The following SYNGR1 variants were observed in gnomAD, a reference collection of about 807,000 sequenced individuals.
The protein encoded by SYNGR1 is synaptogyrin-1.
SYNGR1 carries 14 observed loss-of-function variants against 26.1 expected under a neutral mutation model. That is an observed-to-expected ratio of 0.54 (90% confidence interval 0.35 to 0.84). The LOEUF is 0.84. Ranked by LOEUF, SYNGR1 falls within the 40% of genes least tolerant of loss-of-function variation. The pLI is 0.01. For synonymous variants in SYNGR1, 141 were observed against 150.1 expected (o/e 0.94, Z 0.44); for missense variants, 319 against 332.9 (o/e 0.96, Z 0.33).
intron 1 of SYNGR1, among the ~76,000 whole-genome samples, chr22:39,360,585 G>A (rs984332382): frequency 4.6e-5 from 7 of 152,146 alleles, no homozygotes; most frequent in East Asian, 3.9e-4. Flanking sequence ...CACCCCGCTC[G>A]CCGCAGAATG....
chr22:39,351,490 T>C (rs1157338123), intron 1 of SYNGR1, among the ~76,000 whole-genome samples: 1 of 152,242 alleles, frequency 6.6e-6, no homozygotes, highest in African/African-American at 2.4e-5. Flanking sequence ...TGGCTCTGAA[T>C]TCATTTATCT....
In SYNGR1 at chr22:39,365,988, C is replaced by CTTTTTTTTTT. The variant is rs777416803; in HGVS notation, c.100-8310_100-8301dup. On this transcript the variant is annotated intron_variant, in intron 1 of 3. Coordinates refer to ENST00000328933, the MANE Select transcript of SYNGR1 (RefSeq NM_004711.5). ...CGTGAGCCACCGCGCTCAGCCCCTT[C>CTTTTTTTTTT]TTTTTTTTTTTTTTTTTTTTTTTTT... Among the ~76,000 whole-genome samples, 328 of 68,378 alleles carry CTTTTTTTTTT rather than the reference C, an allele frequency of 4.8e-3. 59 individuals carry two copies. The highest frequency in any genetic ancestry group is 6.8e-3 in the Non-Finnish European group (250 of 36,752). 44.9% of individuals were successfully genotyped at this position (68,378 alleles called of 152,430 possible). A position where few individuals can be genotyped will look rare whatever the true frequency, so the allele number is the denominator to read the frequency against.
chr22:39,364,983 A>C (rs1038277331), intron 1 of SYNGR1, among the ~76,000 whole-genome samples: 3 of 152,160 alleles, frequency 2.0e-5, no homozygotes, highest in African/African-American at 7.2e-5. Flanking sequence ...GAGGCTTGGC[A>C]GGTTTACCTT....
intron 1 of SYNGR1, among the ~76,000 whole-genome samples, chr22:39,352,102 G>A (rs1923931089): frequency 6.6e-6 from 1 of 152,202 alleles, no homozygotes; most frequent in Admixed American, 6.5e-5. Context: ...TGGCAGACGA[G>A]CATTTGAGCC....
chr22:39,377,611 C>T lies in SYNGR1; in HGVS notation c.483+1414C>T, dbSNP rs1442025593. ...CTCTCCTGGCAGAGCCTGACCGCAG[C>T]CCTGGCCGTGCGGAGATTCAAGGAC... On this transcript the variant is annotated intron_variant, in intron 3 of 3. Coordinates refer to ENST00000328933, the MANE Select transcript of SYNGR1 (RefSeq NM_004711.5). 1.9e-6 allele frequency: 3 copies of T among 1,613,916 alleles called. No individual in the cohort carries two copies. In the Admixed American group the frequency reaches 5.0e-5, roughly 27 times the overall value.
intron 1 of SYNGR1, among the ~76,000 whole-genome samples, chr22:39,367,356 C>T (rs1486214995): frequency 1.3e-5 from 2 of 152,236 alleles, no homozygotes; most frequent in Non-Finnish European, 2.9e-5. Context: ...TAGGTTGTAG[C>T]TCAGCCTGTA....
At chr22:39,377,160 C>A in intron 3 of SYNGR1, 1 of 1,471,154 alleles carries the variant, frequency 6.8e-7, no homozygotes, top group Non-Finnish European at 9.0e-7. Context: ...CGCCAGCCGT[C>A]CCTGTTTCCC....
chr22:39,360,184 T>C (rs755338704), intron 1 of SYNGR1, among the ~76,000 whole-genome samples: 1 of 152,190 alleles, frequency 6.6e-6, no homozygotes, highest in South Asian at 2.1e-4. Context: ...CTCGTGAGCC[T>C]GTTCCTCTCA....
In SYNGR1 at chr22:39,374,354, G is replaced by A. The variant is rs1925167773; in HGVS notation, c.138G>A (p.Glu46=). Residue 46 remains glutamate (E), a synonymous_variant, in exon 2 of 4, where the codon GAG becomes GAA. Transcript: ENST00000328933. ...SIVVFGSIVN[E]GYLNSASEGE... ...TGGTGTTCGGCTCCATCGTGAACGA[G>A]GGCTACCTCAACAGCGCCTCCGAGG... The A allele has an allele frequency of 6.2e-7, 1 of 1,613,922 alleles. No homozygotes were observed. Among genetic ancestry groups the A allele is most frequent in the Admixed American group, 1.7e-5 (1 of 60,000 alleles).
chr22:39,377,103 T>C, intron 3 of SYNGR1: 1 of 1,544,872 alleles, frequency 6.5e-7, no homozygotes, highest in East Asian at 2.4e-5. Context: ...GGCGAGCACT[T>C]CTGGGCCCAG....
chr22:39,353,919 A>G (rs765264477), intron 1 of SYNGR1, among the ~76,000 whole-genome samples: 3 of 152,302 alleles, frequency 2.0e-5, no homozygotes, highest in Non-Finnish European at 4.4e-5. Flanking sequence ...GCTAGAGTGC[A>G]GTGGCGCGAT....
At chr22:39,368,340 C>G (rs1924865660) in intron 1 of SYNGR1, among the ~76,000 whole-genome samples, 1 of 152,232 alleles carries the variant, frequency 6.6e-6, no homozygotes, top group Non-Finnish European at 1.5e-5. Flanking sequence ...AGTGGCCACA[C>G]TGGGATTCAG....
In SYNGR1 at chr22:39,382,330, A is replaced by C; in HGVS notation, c.*416A>C. On this transcript the variant is annotated 3_prime_UTR_variant, in exon 4 of 4. Transcript: ENST00000328933. The stretch of plus-strand genomic sequence containing the variant: ...ATGGTGGGAAAGACAGATCCAGATA[A>C]TGCTGGGAAGTGTGGCTACACCGTG... 1.7e-5 allele frequency: 5 copies of C among 296,760 alleles called. No individual in the cohort carries two copies. Among genetic ancestry groups the C allele is most frequent in the Non-Finnish European group, 3.3e-5 (5 of 150,802 alleles). The allele number at this position is 296,760 out of a possible 1,614,324, so 18.4% of individuals were successfully genotyped here. A position where few individuals can be genotyped will look rare whatever the true frequency, so the allele number is the denominator to read the frequency against.
intron 1 of SYNGR1, among the ~76,000 whole-genome samples, chr22:39,363,176 G>A (rs550055007): frequency 7.9e-5 from 12 of 152,068 alleles, no homozygotes; most frequent in Non-Finnish European, 1.3e-4. Context: ...GGGCTTGGGA[G>A]GAGAGTGTTG....
rs1381815429 is a variant in SYNGR1, at chr22:39,382,263, C to T, written c.*349C>T. ...CAGAAATGGCCACTGGAAAGGGGAG[C>T]GATGAGCTGTGGAGGAAGCCCTGGT... On this transcript the variant is annotated 3_prime_UTR_variant, in exon 4 of 4. Coordinates refer to ENST00000328933, the MANE Select transcript of SYNGR1 (RefSeq NM_004711.5). 1.2e-5 allele frequency: 5 copies of T among 403,956 alleles called. No homozygotes were observed. The highest frequency in any genetic ancestry group is 5.1e-5 in the East Asian group (1 of 19,498). 25.0% of individuals were successfully genotyped at this position (403,956 alleles called of 1,614,324 possible).
intron 1 of SYNGR1, among the ~76,000 whole-genome samples, chr22:39,368,369 C>T (rs1924866982): frequency 6.6e-6 from 1 of 152,204 alleles, no homozygotes. Context: ...GGTCATCTGA[C>T]TCAGTCTTGC....
chr22:39,364,646 A>T (rs1207912677), intron 1 of SYNGR1, among the ~76,000 whole-genome samples: 2 of 152,260 alleles, frequency 1.3e-5, no homozygotes, highest in East Asian at 3.9e-4. Context: ...GTTCGCTCCC[A>T]TTGAAGATGA....
Position 39,382,306 on chromosome 22 carries a change from T to G in SYNGR1, c.*392T>G. ...GCCCTGGTGGTACCAGAGGCCAGAA[T>G]GGTGGGAAAGACAGATCCAGATAAT... On this transcript the variant is annotated 3_prime_UTR_variant, in exon 4 of 4. Transcript: ENST00000328933. 1 of 333,310 alleles carries G rather than the reference T, an allele frequency of 3.0e-6. No individual in the cohort carries two copies. Among genetic ancestry groups the G allele is most frequent in the South Asian group, 3.2e-5 (1 of 31,466 alleles). The allele number at this position is 333,310 out of a possible 1,614,324, so 20.6% of individuals were successfully genotyped here. A position where few individuals can be genotyped will look rare whatever the true frequency, so the allele number is the denominator to read the frequency against.
intron 3 of SYNGR1, chr22:39,378,257 C>A: frequency 1.0e-6 from 1 of 1,004,290 alleles, no homozygotes; most frequent in Non-Finnish European, 1.2e-6. Context: ...CAGCCTCAGT[C>A]CACTTACCTG....
Sources: gnomAD v4.1 joint callset for allele counts (sites outside exome capture counted in the v4.1 genomes callset) on GRCh38, gnomAD v4.1.1 for gene constraint, MANE v1.5 for transcripts, NCBI Gene and HGNC (gene_info 2026-07-23, HGNC 2026-07-21) for gene names.